TXLNB: variants seen among roughly 807,000 people sequenced by gnomAD.
The protein encoded by TXLNB is taxilin beta.
Under a neutral mutation model 57.4 loss-of-function variants are expected in TXLNB, and 37 were observed. The observed-to-expected ratio is 0.64, with a 90% CI of 0.50 to 0.85. TXLNB has a LOEUF of 0.85. Ranked by LOEUF, TXLNB falls within the 40% of genes least tolerant of loss-of-function variation. TXLNB has a pLI of 0.00. For missense variants in TXLNB, 848 were observed against 825.6 expected, an observed-to-expected ratio of 1.03 and a Z score of -0.33; for synonymous variants, 302 against 309.6, an observed-to-expected ratio of 0.98 and a Z score of 0.26.
chr6:139,277,554 A>C (rs1439956417), intron 2 of TXLNB, among the ~76,000 whole-genome samples: 2 of 152,172 alleles, frequency 1.3e-5, no homozygotes, highest in Non-Finnish European at 2.9e-5. Flanking sequence ...CAAATAGAAT[A>C]AAATCATTAT....
intron 7 of TXLNB, among the ~76,000 whole-genome samples, chr6:139,250,177 CTTT>C (rs529236500): frequency 0.015 from 1,881 of 124,374 alleles, 35 homozygotes; most frequent in African/African-American, 0.054. Flanking sequence ...CCATGTCTGG[CTTT>C]TTTTTTTTTT....
the TXLNB span, among the ~76,000 whole-genome samples, chr6:139,185,498 G>A: frequency 6.6e-5 from 10 of 152,204 alleles, no homozygotes; most frequent in African/African-American, 1.9e-4. Context: ...TCATGAGATC[G>A]AGACCATCCT....
chr6:139,193,987 G>A, the TXLNB span, among the ~76,000 whole-genome samples: 6 of 150,364 alleles, frequency 4.0e-5, no homozygotes, highest in Admixed American at 6.6e-5. Flanking sequence ...GACTACAGGC[G>A]CCCGCCACCA....
At chr6:139,212,256 C>T in the TXLNB span, among the ~76,000 whole-genome samples, 4 of 152,208 alleles carry the variant, frequency 2.6e-5, no homozygotes, top group Admixed American at 6.5e-5. Flanking sequence ...CAAAGGGAAG[C>T]CCATCAGACT....
the TXLNB span, among the ~76,000 whole-genome samples, chr6:139,195,583 C>G: frequency 6.6e-6 from 1 of 152,098 alleles, no homozygotes; most frequent in East Asian, 1.9e-4. Context: ...CCAGAAAAAC[C>G]GTGACAGATT....
intron 2 of TXLNB, among the ~76,000 whole-genome samples, chr6:139,279,739 T>C (rs1381859875): frequency 1.3e-5 from 2 of 149,024 alleles, no homozygotes; most frequent in Non-Finnish European, 2.9e-5. Flanking sequence ...CAGGGACGCT[T>C]TATCAGGAAG....
At chr6:139,297,719 A>C in the TXLNB span, among the ~76,000 whole-genome samples, 1 of 152,254 alleles carries the variant, frequency 6.6e-6, no homozygotes, top group East Asian at 1.9e-4. Flanking sequence ...ATACAAACAC[A>C]TAATCTTTTT....
intron 2 of TXLNB, chr6:139,277,158 T>C (rs1283095692): frequency 5.0e-6 from 2 of 399,312 alleles, no homozygotes; most frequent in Non-Finnish European, 8.8e-6. Flanking sequence ...TCTCAATAAA[T>C]GTTTGCTATA....
At chr6:139,282,048 C>T (rs1375374525) in intron 2 of TXLNB, among the ~76,000 whole-genome samples, 1 of 151,286 alleles carries the variant, frequency 6.6e-6, no homozygotes, top group Admixed American at 6.6e-5. Context: ...AAGGTCTGGT[C>T]TAGGTTCTAG....
chr6:139,294,029 T>G (rs1455604084), upstream of TXLNB, among the ~76,000 whole-genome samples: 2 of 152,182 alleles, frequency 1.3e-5, no homozygotes, highest in African/African-American at 4.8e-5. Flanking sequence ...TTAAATAATG[T>G]GGAAATTATT....
chr6:139,191,017 T>C, the TXLNB span, among the ~76,000 whole-genome samples: 1 of 152,190 alleles, frequency 6.6e-6, no homozygotes, highest in Non-Finnish European at 1.5e-5. Flanking sequence ...GGGGGACAGA[T>C]ACAAGAATTG....
upstream of TXLNB, among the ~76,000 whole-genome samples, chr6:139,294,152 A>G (rs566067573): frequency 9.2e-5 from 14 of 152,336 alleles, no homozygotes; most frequent in Admixed American, 2.6e-4. Context: ...TAAAGCCTAC[A>G]AAATCAATAA....
chr6:139,322,842 CTT>C, the TXLNB span, among the ~76,000 whole-genome samples: 1 of 152,128 alleles, frequency 6.6e-6, no homozygotes, highest in South Asian at 2.1e-4. Context: ...TGTGTTTATT[CTT>C]TGTCTCCTCC....
the TXLNB span, among the ~76,000 whole-genome samples, chr6:139,319,571 G>A: frequency 6.6e-6 from 1 of 151,876 alleles, no homozygotes; most frequent in Admixed American, 6.6e-5. Flanking sequence ...AGACCATCCT[G>A]GGCAACATAG....
upstream of TXLNB, among the ~76,000 whole-genome samples, chr6:139,293,448 A>G (rs1777339920): frequency 6.6e-6 from 1 of 151,928 alleles, no homozygotes; most frequent in Non-Finnish European, 1.5e-5. Context: ...AGAAAAGGAG[A>G]TTTGATGACC....
the TXLNB span, among the ~76,000 whole-genome samples, chr6:139,176,237 A>G: frequency 6.6e-6 from 1 of 152,196 alleles, no homozygotes; most frequent in African/African-American, 2.4e-5. This position sits in a 1 kb window ranked among gnomAD's most constrained non-coding sequence, Gnocchi z 4.5. Flanking sequence ...GCTTTATCAC[A>G]TGTGCCTCAG....
At chr6:139,277,036 T>C in intron 2 of TXLNB, 115 bp from the exon 3 acceptor site, 1 of 693,446 alleles carries the variant, frequency 1.4e-6, no homozygotes, top group Non-Finnish European at 2.3e-6. Context: ...AAGCCATTCA[T>C]CTTATCAGAT....
At chr6:139,234,605 G>C in the TXLNB span, 1 of 152,258 alleles carries the variant, frequency 6.6e-6, no homozygotes, top group African/African-American at 2.4e-5. Flanking sequence ...ATTAAGGTTT[G>C]GGAACCTCTG....
the TXLNB span, among the ~76,000 whole-genome samples, chr6:139,188,134 G>A: frequency 6.6e-6 from 1 of 152,162 alleles, no homozygotes; most frequent in Admixed American, 6.5e-5. Flanking sequence ...GGCTCCTGAA[G>A]AGTTCTCTAA....
Sources: allele counts gnomAD v4.1 joint callset (sites outside exome capture counted in the v4.1 genomes callset), GRCh38; gene constraint gnomAD v4.1.1; non-coding constraint Gnocchi (gnomAD v3.1); transcripts MANE v1.5; gene names NCBI Gene and HGNC (gene_info 2026-07-23, HGNC 2026-07-21).